The following SHISA9 variants were observed in gnomAD, a reference collection of about 807,000 sequenced individuals.
SHISA9 encodes the protein protein shisa-9.
Under a neutral mutation model 38.0 loss-of-function variants are expected in SHISA9, and 13 were observed. That is an observed-to-expected ratio of 0.34 (90% CI 0.22 to 0.54). SHISA9 has a LOEUF of 0.54. SHISA9 is among the 20% of genes least tolerant of loss of function. The probability of loss-of-function intolerance (pLI) is 0.91; values close to 1 mark genes in which losing one functional copy is unlikely to be tolerated. For missense variants in SHISA9, 538 were observed against 575.8 expected (o/e 0.93, Z 0.67); for synonymous variants, 275 against 242.0 (o/e 1.14, Z -1.27).
intron 2 of SHISA9, among the ~76,000 whole-genome samples, chr16:13,036,047 G>C (rs1328386262): frequency 6.6e-6 from 1 of 152,158 alleles, no homozygotes; most frequent in African/African-American, 2.4e-5. Flanking sequence ...CACACTGAAG[G>C]TGTAAAATAG....
At chr16:12,978,860 T>C (rs1315673885) in intron 2 of SHISA9, among the ~76,000 whole-genome samples, 1 of 152,168 alleles carries the variant, frequency 6.6e-6, no homozygotes, top group Non-Finnish European at 1.5e-5. Flanking sequence ...TACACCCAAG[T>C]AGTAATTGTA....
the SHISA9 span, among the ~76,000 whole-genome samples, chr16:13,527,623 A>C: frequency 2.6e-5 from 4 of 152,156 alleles, no homozygotes; most frequent in African/African-American, 9.7e-5. Flanking sequence ...AATGAAGCAA[A>C]CACACTCAGA....
chr16:13,141,688 A>G (rs2050403292), intron 2 of SHISA9, among the ~76,000 whole-genome samples: 1 of 152,136 alleles, frequency 6.6e-6, no homozygotes, highest in African/African-American at 2.4e-5. Flanking sequence ...TCTCAAATAT[A>G]TATATATAAT....
rs143562070 is a variant in SHISA9 at position 13,121,967 on chromosome 16, T to A, written c.692-81427T>A. 4.0e-3 allele frequency among the ~76,000 whole-genome samples: 614 copies of A among 151,686 alleles called. 5 individuals are homozygous for A. The highest frequency in any genetic ancestry group is 0.014 in the African/African-American group (568 of 41,350). The stretch of plus-strand genomic sequence containing the variant: ...TTCGATAAAATGATAATAAAAGCAA[T>A]CCCGTGAGGATTGAGTGATACTGTT... On this transcript the variant is annotated intron_variant, in intron 2 of 4. Coordinates refer to ENST00000558583, the MANE Select transcript of SHISA9 (RefSeq NM_001145204.3).
chr16:13,118,262 T>C (rs577754891), intron 2 of SHISA9, among the ~76,000 whole-genome samples: 1 of 148,044 alleles, frequency 6.8e-6, no homozygotes, highest in Admixed American at 6.7e-5. Context: ...CTGGTCAAGG[T>C]TGTGATAGAG....
In SHISA9 at chr16:12,913,203, C is replaced by T. The variant is rs1039158845; in HGVS notation, c.564-3485C>T. Among the ~76,000 whole-genome samples, 4 of 151,744 alleles carry T rather than the reference C, an allele frequency of 2.6e-5. No individual in the cohort carries two copies. The South Asian group carries it at 6.2e-4, about 24-fold the overall frequency. On this transcript the variant is annotated intron_variant, in intron 1 of 4. Coordinates refer to ENST00000558583, the MANE Select transcript of SHISA9 (RefSeq NM_001145204.3). ...TTTTGTCATTACTTCTTTTTTTTGG[C>T]GGGGAGGAGGGGGACTGAGTTTCAC...
chr16:13,117,623 G>C (rs981581250), intron 2 of SHISA9, among the ~76,000 whole-genome samples: 1 of 152,146 alleles, frequency 6.6e-6, no homozygotes, highest in Admixed American at 6.5e-5. Context: ...GTGACCACAC[G>C]GCAGAGATCC....
chr16:13,160,815 C>CGGTGATG (rs1009863543), intron 2 of SHISA9, among the ~76,000 whole-genome samples: 21 of 152,246 alleles, frequency 1.4e-4, no homozygotes, highest in African/African-American at 5.1e-4. Flanking sequence ...AGGAGAGAAG[C>CGGTGATG]GGTGATGTTG....
At chr16:12,969,911 AC>A (rs2072032515) in intron 2 of SHISA9, among the ~76,000 whole-genome samples, 2 of 152,024 alleles carry the variant, frequency 1.3e-5, no homozygotes, top group Admixed American at 1.3e-4. Context: ...AATATAGTAA[AC>A]TGTTTAGGGA....
At chr16:13,115,861 G>T (rs1204759208) in intron 2 of SHISA9, among the ~76,000 whole-genome samples, 1 of 152,136 alleles carries the variant, frequency 6.6e-6, no homozygotes, top group Non-Finnish European at 1.5e-5. Flanking sequence ...ACTATCTTAT[G>T]AACAAAACCC....
intron 2 of SHISA9, among the ~76,000 whole-genome samples, chr16:13,145,926 G>A (rs1416572504): frequency 6.6e-6 from 1 of 152,192 alleles, no homozygotes; most frequent in Non-Finnish European, 1.5e-5. Flanking sequence ...GGTGGCTCGC[G>A]CCTGTAATCC....
At chr16:13,439,275 A>G in the SHISA9 span, among the ~76,000 whole-genome samples, 1 of 152,154 alleles carries the variant, frequency 6.6e-6, no homozygotes, top group African/African-American at 2.4e-5. Context: ...TTCAATTTTA[A>G]GATGATTATG....
At chr16:13,505,864 G>A in the SHISA9 span, among the ~76,000 whole-genome samples, 1 of 152,156 alleles carries the variant, frequency 6.6e-6, no homozygotes, top group South Asian at 2.1e-4. Context: ...TGGGCAGGGA[G>A]GTGTTGACCC....
intron 2 of SHISA9, among the ~76,000 whole-genome samples, chr16:13,166,916 C>T (rs986298449): frequency 1.3e-5 from 2 of 152,172 alleles, no homozygotes; most frequent in African/African-American, 4.8e-5. Context: ...CAGCAAACCA[C>T]CATAACACAC....
At chr16:13,003,982 C>A (rs190713268) in intron 2 of SHISA9, among the ~76,000 whole-genome samples, 3 of 152,252 alleles carry the variant, frequency 2.0e-5, no homozygotes, top group Admixed American at 2.0e-4. Context: ...GTTGGGGGTG[C>A]TTTCTTTACA....
At chr16:13,156,961 T>A (rs1337115698) in intron 2 of SHISA9, among the ~76,000 whole-genome samples, 1 of 152,194 alleles carries the variant, frequency 6.6e-6, no homozygotes, top group Non-Finnish European at 1.5e-5. Context: ...ATATAGAATG[T>A]ATATAAATGC....
intron 2 of SHISA9, among the ~76,000 whole-genome samples, chr16:13,106,966 T>TTC (rs56109043): frequency 0.022 from 3,249 of 145,274 alleles, 71 homozygotes; most frequent in African/African-American, 0.049. Flanking sequence ...CTTTCTCACG[T>TTC]TCTCTCTCTC....
the SHISA9 span, among the ~76,000 whole-genome samples, chr16:13,293,674 G>T: frequency 6.6e-6 from 1 of 152,140 alleles, no homozygotes; most frequent in East Asian, 1.9e-4. Flanking sequence ...TACAGTCTAA[G>T]TTGAAGCCAA....
the SHISA9 span, among the ~76,000 whole-genome samples, chr16:13,302,278 A>G: frequency 1.3e-5 from 2 of 152,186 alleles, no homozygotes; most frequent in East Asian, 1.9e-4. Flanking sequence ...AAGAAAGCCC[A>G]TAGCTTGTGT....
Sources: allele counts gnomAD v4.1 joint callset (sites outside exome capture counted in the v4.1 genomes callset), GRCh38; gene constraint gnomAD v4.1.1; transcripts MANE v1.5; gene names NCBI Gene and HGNC (gene_info 2026-07-23, HGNC 2026-07-21).